LRP12: variants seen among roughly 807,000 people sequenced by gnomAD.
LRP12 encodes the protein low-density lipoprotein receptor-related protein 12.
In LRP12, 14 loss-of-function variants were observed where a neutral mutation model predicts 66.0. The observed-to-expected ratio is 0.21, with a 90% CI of 0.14 to 0.33. LRP12 has a LOEUF of 0.33. Among genes scored for constraint, LRP12 ranks in the 10% least tolerant of loss-of-function variants. The pLI, the probability that LRP12 is intolerant of heterozygous loss-of-function variation, is 1.00. For synonymous variants in LRP12, 357 were observed against 359.1 expected (o/e 0.99, Z 0.07); for missense variants, 889 against 1,053.4 (o/e 0.84, Z 2.16).
chr8:104,498,297 G>A (rs1169175996), intron 4 of LRP12, among the ~76,000 whole-genome samples: 4 of 152,136 alleles, frequency 2.6e-5, no homozygotes, highest in African/African-American at 9.7e-5. Context: ...GTGCCATGGT[G>A]GTTTGCTGCA....
intron 1 of LRP12, among the ~76,000 whole-genome samples, chr8:104,548,497 ATATAATTCTATATTATATTTT>A (rs1811668009): frequency 2.4e-5 from 3 of 127,128 alleles, no homozygotes; most frequent in Non-Finnish European, 4.7e-5. Flanking sequence ...TGTATCTAAT[ATATAATTCTATATTATATTTT>A]GTATCTAATA....
At chr8:104,501,719 AT>A (rs1313316197) in intron 3 of LRP12, among the ~76,000 whole-genome samples, 1 of 149,890 alleles carries the variant, frequency 6.7e-6, no homozygotes, top group Non-Finnish European at 1.5e-5. Flanking sequence ...AAAAAAAAAA[AT>A]GGATTCAAGT....
chr8:104,544,196 G>A lies in LRP12; in HGVS notation c.80-12233C>T, dbSNP rs139245966. Among the ~76,000 whole-genome samples the A allele has an allele frequency of 3.5e-3, 536 of 152,282 alleles. 4 individuals carry two copies. The highest frequency in any genetic ancestry group is 0.024 in the East Asian group (124 of 5,182). On this transcript the variant is annotated intron_variant, in intron 1 of 6. Coordinates refer to ENST00000276654, the MANE Select transcript of LRP12 (RefSeq NM_013437.5). ...AAGCCAAAGCCTAACACAGAGCAAGGCACACAGAACACTTCAATTCTACGA... is the reference window on the plus strand; with the variant it reads ...AAGCCAAAGCCTAACACAGAGCAAGACACACAGAACACTTCAATTCTACGA...
chr8:104,588,252 G>T (rs116769719), intron 1 of LRP12, among the ~76,000 whole-genome samples: 9 of 152,192 alleles, frequency 5.9e-5, no homozygotes, highest in Admixed American at 3.3e-4. Context: ...GGAACCAACA[G>T]GACCCTGCAC....
chr8:104,565,754 G>A (rs1287483121), intron 1 of LRP12, among the ~76,000 whole-genome samples: 5 of 151,330 alleles, frequency 3.3e-5, no homozygotes, highest in African/African-American at 9.7e-5. Flanking sequence ...CCAGCTACTC[G>A]GGAGGCTGAG....
chr8:104,548,645 A>T (rs1811676861), intron 1 of LRP12, among the ~76,000 whole-genome samples: 1 of 121,256 alleles, frequency 8.2e-6, no homozygotes, highest in African/African-American at 3.4e-5. Context: ...TAATTAAATT[A>T]ATTATATAAT....
At chr8:104,514,294 C>T (rs1251669162) in intron 2 of LRP12, among the ~76,000 whole-genome samples, 1 of 152,136 alleles carries the variant, frequency 6.6e-6, no homozygotes, top group African/African-American at 2.4e-5. Flanking sequence ...ACTTCAGCTC[C>T]AGTACCTACT....
At chr8:104,576,431 T>G (rs912985014) in intron 1 of LRP12, among the ~76,000 whole-genome samples, 3 of 152,128 alleles carry the variant, frequency 2.0e-5, no homozygotes, top group African/African-American at 7.2e-5. Flanking sequence ...CAGCAGCAAC[T>G]CTACAAGCCA....
chr8:104,504,754 A>G (rs560076985), intron 3 of LRP12: 1 of 152,308 alleles, frequency 6.6e-6, no homozygotes, highest in Admixed American at 6.5e-5. Flanking sequence ...CTTTGTTGAA[A>G]TAAGTATTAA....
intron 2 of LRP12, among the ~76,000 whole-genome samples, chr8:104,517,006 A>G (rs1422736277): frequency 6.6e-6 from 1 of 151,990 alleles, no homozygotes; most frequent in African/African-American, 2.4e-5. Context: ...TGATTTTAAT[A>G]AATCACAAAA....
intron 3 of LRP12, among the ~76,000 whole-genome samples, chr8:104,502,579 C>T (rs950407141): frequency 1.3e-5 from 2 of 152,182 alleles, no homozygotes; most frequent in Non-Finnish European, 2.9e-5. Context: ...CTCCACGTTG[C>T]ACAGACTGGC....
chr8:104,499,367 T>C lies in LRP12; in HGVS notation c.425A>G (p.His142Arg). The C allele has an allele frequency of 1.2e-6, 2 of 1,613,870 alleles. No homozygotes were observed. Among genetic ancestry groups the C allele is most frequent in the Non-Finnish European group, 1.7e-6 (2 of 1,179,890 alleles). Residue 142 changes from histidine to arginine, a missense_variant, in exon 4 of 7, where the codon CAT (histidine) becomes CGT (arginine). By Grantham distance (29) the His-to-Arg change is conservative. This residue lies in a region of LRP12 where 800 missense variants were observed against 964.5 expected (regional missense o/e 0.83). Coordinates refer to ENST00000276654, the MANE Select transcript of LRP12 (RefSeq NM_013437.5). ...SSQDHIWIRF[H>R]SDDNISRKGF... is the part of the protein sequence containing the mutation. The stretch of plus-strand genomic sequence containing the variant: ...CTTTCTAGAGATGTTGTCATCCGAA[T>C]GAAACCTAATCCAGATGTGGTCTTG...
At chr8:104,577,810 C>CAA (rs34298645) in intron 1 of LRP12, among the ~76,000 whole-genome samples, 7,781 of 110,504 alleles carry the variant, frequency 0.07, 347 homozygotes, top group South Asian at 0.097. Flanking sequence ...GACTCCATCT[C>CAA]AAAAAAAAAA....
At chr8:104,499,785 AC>A (rs1357524388) in intron 3 of LRP12, among the ~76,000 whole-genome samples, 1 of 151,898 alleles carries the variant, frequency 6.6e-6, no homozygotes, top group African/African-American at 2.4e-5. Context: ...GACAGTTGGC[AC>A]CTTTTCTTTT....
chr8:104,541,727 T>C (rs1258774198), intron 1 of LRP12, among the ~76,000 whole-genome samples: 1 of 152,158 alleles, frequency 6.6e-6, no homozygotes, highest in Admixed American at 6.5e-5. Context: ...ATTTGCCTAT[T>C]CTGGTCATTT....
chr8:104,542,153 C>T (rs553815756), intron 1 of LRP12, among the ~76,000 whole-genome samples: 2 of 152,150 alleles, frequency 1.3e-5, no homozygotes, highest in Non-Finnish European at 2.9e-5. Context: ...TCCTTGACAA[C>T]ATTTGTTATT....
At chr8:104,582,634 T>C (rs1812269854) in intron 1 of LRP12, among the ~76,000 whole-genome samples, 1 of 152,190 alleles carries the variant, frequency 6.6e-6, no homozygotes, top group African/African-American at 2.4e-5. Flanking sequence ...ACAAAATGAC[T>C]GCCCTCAGAA....
intron 2 of LRP12, among the ~76,000 whole-genome samples, chr8:104,519,695 A>G (rs1811119492): frequency 6.6e-6 from 1 of 152,032 alleles, no homozygotes; most frequent in Non-Finnish European, 1.5e-5. Flanking sequence ...AGCAGAAAAA[A>G]TGATATTAAT....
intron 1 of LRP12, among the ~76,000 whole-genome samples, chr8:104,551,623 T>C (rs1221925787): frequency 6.6e-6 from 1 of 152,200 alleles, no homozygotes; most frequent in Non-Finnish European, 1.5e-5. Flanking sequence ...TGGTTTTCTG[T>C]TCCTGTGCTA....
Sources: allele counts gnomAD v4.1 joint callset (sites outside exome capture counted in the v4.1 genomes callset), GRCh38; gene constraint gnomAD v4.1.1; regional missense constraint gnomAD v4.1.1; transcripts MANE v1.5; gene names NCBI Gene and HGNC (gene_info 2026-07-23, HGNC 2026-07-21).